The following FGF12 variants were observed in gnomAD, a reference collection of about 807,000 sequenced individuals.
FGF12 encodes fibroblast growth factor 12.
A neutral mutation model predicts 23.6 loss-of-function variants in FGF12; 14 were observed. That is an observed-to-expected ratio of 0.59 (90% CI 0.39 to 0.93). FGF12 has a LOEUF of 0.93. Among genes scored for constraint, FGF12 ranks in the 40% least tolerant of loss-of-function variants. The pLI is 0.00. For missense variants in FGF12, 175 were observed against 217.8 expected, an observed-to-expected ratio of 0.80 and a Z score of 1.24; for synonymous variants, 62 against 77.3, an observed-to-expected ratio of 0.80 and a Z score of 1.04.
intron 4 of FGF12, among the ~76,000 whole-genome samples, chr3:192,170,920 C>G (rs1470394658): frequency 6.6e-6 from 1 of 152,148 alleles, no homozygotes; most frequent in Non-Finnish European, 1.5e-5. Flanking sequence ...GGACTGTGGC[C>G]AAGTCTGCGC....
At chr3:192,235,936 C>T (rs1044393883) in intron 4 of FGF12, among the ~76,000 whole-genome samples, 1 of 152,046 alleles carries the variant, frequency 6.6e-6, no homozygotes, top group Non-Finnish European at 1.5e-5. Context: ...TCTAACTCCT[C>T]TAGTTGTAAT....
At chr3:192,256,089 A>G (rs148183142) in intron 4 of FGF12, among the ~76,000 whole-genome samples, 3 of 152,216 alleles carry the variant, frequency 2.0e-5, no homozygotes, top group African/African-American at 7.2e-5. Flanking sequence ...AAGAAGAGTG[A>G]ACCCAGCTGG....
intron 4 of FGF12, among the ~76,000 whole-genome samples, chr3:192,198,983 G>T (rs530959641): frequency 1.7e-4 from 26 of 152,276 alleles, no homozygotes; most frequent in Middle Eastern, 3.4e-3. Context: ...TGTTGTTTAG[G>T]TTAATCAGGA....
chr3:192,666,917 TGATAGATAGATA>T (rs56278131), intron 2 of FGF12, among the ~76,000 whole-genome samples: 4,328 of 147,620 alleles, frequency 0.029, 159 homozygotes, highest in East Asian at 0.14. Flanking sequence ...GATAGATAGA[TGATAGATAGATA>T]GATAGATAGA....
intron 2 of FGF12, among the ~76,000 whole-genome samples, chr3:192,664,598 A>AAAAAAAAAAAAAAAAAAAAG (rs1716790451): frequency 7.1e-6 from 1 of 141,398 alleles, no homozygotes; most frequent in African/African-American, 2.6e-5. Context: ...AAAATACAAA[A>AAAAAAAAAAAAAAAAAAAAG]AAAATACAAA....
At chr3:192,200,683 C>T (rs185374245) in intron 4 of FGF12, among the ~76,000 whole-genome samples, 1 of 152,236 alleles carries the variant, frequency 6.6e-6, no homozygotes, top group Admixed American at 6.5e-5. Flanking sequence ...GCCATGTGAT[C>T]CTGGACAAGA....
intron 2 of FGF12, among the ~76,000 whole-genome samples, chr3:192,369,884 T>C (rs1364443939): frequency 6.6e-6 from 1 of 152,112 alleles, no homozygotes; most frequent in Non-Finnish European, 1.5e-5. Context: ...AATCACAGAA[T>C]GGGGATGCTA....
chr3:192,326,011 C>T (rs879016184), intron 4 of FGF12, among the ~76,000 whole-genome samples: 3 of 152,146 alleles, frequency 2.0e-5, no homozygotes, highest in Non-Finnish European at 2.9e-5. Context: ...TGAGTCCAGA[C>T]AGCCAGTGAA....
At chr3:192,163,492 A>G (rs990652171) in intron 5 of FGF12, among the ~76,000 whole-genome samples, 1 of 152,196 alleles carries the variant, frequency 6.6e-6, no homozygotes, top group Non-Finnish European at 1.5e-5. Context: ...AATAATATGA[A>G]TAAATTTAAA....
intron 3 of FGF12, among the ~76,000 whole-genome samples, chr3:192,353,965 C>A (rs1009778226): frequency 2.6e-5 from 4 of 152,210 alleles, no homozygotes; most frequent in African/African-American, 4.8e-5. Context: ...TAATTTTCCT[C>A]AGCTAACCAT....
chr3:192,165,652 A>G (rs1202554810), intron 5 of FGF12, among the ~76,000 whole-genome samples: 4 of 152,206 alleles, frequency 2.6e-5, no homozygotes, highest in Admixed American at 6.5e-5. Flanking sequence ...TTGTTTACCA[A>G]TGTGTTTCTC....
At chr3:192,544,247 T>TG (rs1035267099) in intron 2 of FGF12, among the ~76,000 whole-genome samples, 1 of 152,084 alleles carries the variant, frequency 6.6e-6, no homozygotes, top group Non-Finnish European at 1.5e-5. Context: ...GAACTGCTGC[T>TG]GGGGGGAGGG....
Position 192,384,170 on chromosome 3 carries a change from T to C in FGF12, c.14-23632A>G, listed in dbSNP as rs895526361. ...ATTAGTAATGGTGGCAAGAACAGGA[T>C]TGTTAGTGTTAGTGTTGAGTGTAAA... is the stretch of plus-strand genomic sequence containing the variant. On this transcript the variant is annotated intron_variant, in intron 2 of 5. Coordinates refer to ENST00000445105, the MANE Select transcript of FGF12 (RefSeq NM_004113.6). Among the ~76,000 whole-genome samples, 3 of 152,060 alleles carry C rather than the reference T, an allele frequency of 2.0e-5. No homozygotes were observed. In the East Asian group the frequency reaches 5.8e-4, roughly 29 times the overall value.
At chr3:192,715,119 TG>T (rs1318793339) in intron 2 of FGF12, among the ~76,000 whole-genome samples, 8 of 152,238 alleles carry the variant, frequency 5.3e-5, no homozygotes, top group African/African-American at 1.7e-4. Context: ...ATTAAAGCTT[TG>T]TAAGTAGAAT....
At chr3:192,438,941 G>A (rs1049843445) in intron 2 of FGF12, among the ~76,000 whole-genome samples, 3 of 152,224 alleles carry the variant, frequency 2.0e-5, no homozygotes, top group Admixed American at 6.5e-5. Flanking sequence ...TGGGAGTCAT[G>A]AAGTGTGGGT....
At chr3:192,338,292 C>T (rs868626354) in intron 3 of FGF12, among the ~76,000 whole-genome samples, 3 of 152,190 alleles carry the variant, frequency 2.0e-5, no homozygotes, top group African/African-American at 2.4e-5. Context: ...ACTGTGTTGG[C>T]CAGGCTGGTC....
intron 4 of FGF12, among the ~76,000 whole-genome samples, chr3:192,215,926 C>T (rs73064512): frequency 6.6e-6 from 1 of 151,998 alleles, no homozygotes; most frequent in Non-Finnish European, 1.5e-5. Flanking sequence ...CACTTTGCTG[C>T]CCTCCTCTCT....
At position 192,408,042 on chromosome 3, in the gene FGF12, G is replaced by T. The variant is rs1175722482; in HGVS notation, c.14-47504C>A. ...CTACTGACCTGGTCTCCGCCTCACC[G>T]GCCTCTTGCGGCCGCTGCAGAAGCG... On this transcript the variant is annotated intron_variant, in intron 2 of 5. Transcript: ENST00000445105. This position sits in a 1 kb window ranked among gnomAD's most constrained non-coding sequence, Gnocchi z 7.3. 1 of 1,611,496 alleles carries T rather than the reference G, an allele frequency of 6.2e-7. No homozygotes were observed. Among genetic ancestry groups the T allele is most frequent in the Non-Finnish European group, 8.5e-7 (1 of 1,179,468 alleles).
chr3:192,200,972 A>T (rs994113249), intron 4 of FGF12, among the ~76,000 whole-genome samples: 1 of 152,104 alleles, frequency 6.6e-6, no homozygotes, highest in Admixed American at 6.5e-5. Flanking sequence ...TCCTGCTTTG[A>T]CAGCCAGGTG....
Sources: allele counts gnomAD v4.1 joint callset (sites outside exome capture counted in the v4.1 genomes callset), GRCh38; gene constraint gnomAD v4.1.1; non-coding constraint Gnocchi (gnomAD v3.1); transcripts MANE v1.5; gene names NCBI Gene and HGNC (gene_info 2026-07-23, HGNC 2026-07-21).